RGS7: variants seen among roughly 807,000 people sequenced by gnomAD.
The protein encoded by RGS7 is regulator of G-protein signaling 7.
Under a neutral mutation model 81.1 loss-of-function variants are expected in RGS7, and 27 were observed. The ratio of observed to expected loss-of-function variants is 0.33; its 90% CI spans 0.25 to 0.46. RGS7 has a LOEUF of 0.46. Ranked by LOEUF, RGS7 falls within the 20% of genes least tolerant of loss-of-function variation. The pLI, the probability that RGS7 is intolerant of heterozygous loss-of-function variation, is 1.00. For missense variants in RGS7, 396 were observed against 607.4 expected, an observed-to-expected ratio of 0.65 and a Z score of 3.66; for synonymous variants, 208 against 207.7, an observed-to-expected ratio of 1.00 and a Z score of -0.01.
At chr1:240,976,392 A>T (rs4659586) in intron 4 of RGS7, among the ~76,000 whole-genome samples, 138,645 of 152,244 alleles carry the variant, frequency 0.91, 63,183 homozygotes, top group East Asian at 1. Context: ...GCTGTGATGA[A>T]TAACTTTATA....
chr1:240,877,121 A>G (rs1346277939), intron 6 of RGS7, among the ~76,000 whole-genome samples: 1 of 152,150 alleles, frequency 6.6e-6, no homozygotes, highest in Non-Finnish European at 1.5e-5. Context: ...TATCTGTTCA[A>G]CAAGATACTA....
rs896400397 is a variant in RGS7 at position 241,354,940 on chromosome 1, G to A, written c.78+759C>T. ...TGTTGATGATAACCAGAGTGAAGCT[G>A]CCTAAGCAATCACTCAAAAGCACAT... On this transcript the variant is annotated intron_variant, in intron 2 of 18. Transcript: ENST00000440928. Among the ~76,000 whole-genome samples, 5 of 152,188 alleles carry A rather than the reference G, an allele frequency of 3.3e-5. No individual in the cohort carries two copies. In the East Asian group the frequency reaches 9.6e-4, roughly 29 times the overall value.
intron 4 of RGS7, among the ~76,000 whole-genome samples, chr1:240,978,926 A>G (rs1027530696): frequency 2.0e-5 from 3 of 152,194 alleles, no homozygotes; most frequent in African/African-American, 7.2e-5. Flanking sequence ...AACAAAACAG[A>G]AAAAAATTTT....
intron 2 of RGS7, among the ~76,000 whole-genome samples, chr1:241,143,806 CT>C (rs1346182523): frequency 6.6e-6 from 1 of 152,144 alleles, no homozygotes; most frequent in Non-Finnish European, 1.5e-5. Flanking sequence ...GAGGTGGGGG[CT>C]TCAAGAGTTG....
intron 2 of RGS7, among the ~76,000 whole-genome samples, chr1:241,229,174 C>A (rs1406111495): frequency 1.3e-5 from 2 of 152,084 alleles, no homozygotes; most frequent in African/African-American, 4.8e-5. Context: ...TTCTCCTCTG[C>A]TTCCCTCATT....
chr1:240,812,094 T>A (rs1204041863), intron 13 of RGS7, 51 bp from the exon 14 acceptor site: 4 of 1,605,184 alleles, frequency 2.5e-6, no homozygotes, highest in Non-Finnish European at 3.4e-6. Flanking sequence ...AGAATTCCCA[T>A]TTTTTTGTTA....
chr1:241,068,497 C>T (rs1244627904), intron 3 of RGS7, among the ~76,000 whole-genome samples: 1 of 151,646 alleles, frequency 6.6e-6, no homozygotes, highest in East Asian at 2.0e-4. Context: ...TTTACAACAA[C>T]TATTATTACT....
At chr1:241,245,700 G>A (rs752057013) in intron 2 of RGS7, among the ~76,000 whole-genome samples, 5 of 151,926 alleles carry the variant, frequency 3.3e-5, no homozygotes, top group Non-Finnish European at 7.4e-5. Flanking sequence ...CTAGCTACTC[G>A]GGAGGCTGAG....
intron 9 of RGS7, among the ~76,000 whole-genome samples, chr1:240,841,661 C>T (rs1018751621): frequency 6.6e-5 from 10 of 152,158 alleles, no homozygotes; most frequent in African/African-American, 2.4e-4. Context: ...TTCACTGAAG[C>T]ATATCAAAGA....
At chr1:240,809,157 A>T (rs956893229) in intron 14 of RGS7, among the ~76,000 whole-genome samples, 14 of 152,216 alleles carry the variant, frequency 9.2e-5, no homozygotes, top group Admixed American at 3.3e-4. Context: ...TTTTCTTAGC[A>T]CTTGCTCTAT....
intron 2 of RGS7, among the ~76,000 whole-genome samples, chr1:241,331,372 C>A (rs1360420485): frequency 6.6e-6 from 1 of 152,154 alleles, no homozygotes; most frequent in Non-Finnish European, 1.5e-5. Context: ...AATCCTGGCT[C>A]TGCTACATGC....
At chr1:241,081,638 A>C (rs541962951) in intron 3 of RGS7, among the ~76,000 whole-genome samples, 1 of 152,244 alleles carries the variant, frequency 6.6e-6, no homozygotes, top group Admixed American at 6.5e-5. Flanking sequence ...CAATGAATGG[A>C]TCACGTCAGG....
intron 3 of RGS7, among the ~76,000 whole-genome samples, chr1:241,073,450 C>G (rs2062598809): frequency 6.6e-6 from 1 of 152,194 alleles, no homozygotes. Context: ...TGGCTACATA[C>G]AACAAATGTA....
At chr1:240,908,906 A>G (rs1671279376) in intron 6 of RGS7, among the ~76,000 whole-genome samples, 1 of 152,226 alleles carries the variant, frequency 6.6e-6, no homozygotes, top group African/African-American at 2.4e-5. Flanking sequence ...TGTTTCCTTC[A>G]GGTTGCAGGG....
chr1:240,917,005 G>A (rs1444859614), intron 6 of RGS7, among the ~76,000 whole-genome samples: 2 of 152,118 alleles, frequency 1.3e-5, no homozygotes, highest in African/African-American at 4.8e-5. Flanking sequence ...AGGAGCGAGG[G>A]TGGATGGGAT....
intron 3 of RGS7, among the ~76,000 whole-genome samples, chr1:241,049,039 T>C (rs1436950324): frequency 6.6e-6 from 1 of 152,200 alleles, no homozygotes; most frequent in Non-Finnish European, 1.5e-5. Context: ...ATCTCCTGTT[T>C]GAATAAGGAC....
chr1:240,873,099 C>A, intron 6 of RGS7, among the ~76,000 whole-genome samples: 1 of 151,918 alleles, frequency 6.6e-6, no homozygotes, highest in Admixed American at 6.6e-5. Flanking sequence ...AAAACAAAAA[C>A]AAACAAACAA....
At chr1:240,975,732 G>A (rs1230139863) in intron 4 of RGS7, among the ~76,000 whole-genome samples, 1 of 152,214 alleles carries the variant, frequency 6.6e-6, no homozygotes, top group Non-Finnish European at 1.5e-5. Context: ...CATGATATTA[G>A]TCATAAAGCA....
At chr1:241,280,454 ACAGAACTACTGC>A (rs1193948885) in intron 2 of RGS7, among the ~76,000 whole-genome samples, 1 of 152,220 alleles carries the variant, frequency 6.6e-6, no homozygotes, top group African/African-American at 2.4e-5. Flanking sequence ...GCAAATGAAC[ACAGAACTACTGC>A]CAGTAAAGCT....
Sources: gnomAD v4.1 joint callset for allele counts (sites outside exome capture counted in the v4.1 genomes callset) on GRCh38, gnomAD v4.1.1 for gene constraint, MANE v1.5 for transcripts, NCBI Gene and HGNC (gene_info 2026-07-23, HGNC 2026-07-21) for gene names.